Variants in ADAMTS19 observed in about 807,000 individuals in gnomAD.
The protein encoded by ADAMTS19 is A disintegrin and metalloproteinase with thrombospondin motifs 19.
In ADAMTS19, 93 loss-of-function variants were observed where a neutral mutation model predicts 153.3. The observed-to-expected ratio is 0.61, with a 90% CI of 0.51 to 0.72. The LOEUF (loss-of-function observed/expected upper bound fraction) is 0.72, where lower values mean the gene tolerates loss of function less well. Ranked by LOEUF, ADAMTS19 falls within the 30% of genes least tolerant of loss-of-function variation. The probability of loss-of-function intolerance (pLI) is 0.00; values close to 1 mark genes in which losing one functional copy is unlikely to be tolerated. For synonymous variants in ADAMTS19, 600 were observed against 556.6 expected, an observed-to-expected ratio of 1.08 and a Z score of -1.10; for missense variants, 1,482 against 1,552.1, an observed-to-expected ratio of 0.95 and a Z score of 0.76.
At chr5:129,515,631 T>C (rs1751577930) in intron 3 of ADAMTS19, among the ~76,000 whole-genome samples, 1 of 152,054 alleles carries the variant, frequency 6.6e-6, no homozygotes, top group South Asian at 2.1e-4. Flanking sequence ...GATTTTTGCA[T>C]GTTGATTTTG....
At chr5:129,556,724 A>G (rs565639960) in intron 7 of ADAMTS19, among the ~76,000 whole-genome samples, 2 of 152,284 alleles carry the variant, frequency 1.3e-5, no homozygotes, top group East Asian at 3.9e-4. Flanking sequence ...ACAGAGATAC[A>G]ATATGAAAAG....
At chr5:129,617,547 T>G (rs769769081) in intron 8 of ADAMTS19, among the ~76,000 whole-genome samples, 23 of 152,166 alleles carry the variant, frequency 1.5e-4, no homozygotes, top group East Asian at 3.9e-4. Context: ...GTGTATGGTT[T>G]GAAAGATTAT....
intron 7 of ADAMTS19, among the ~76,000 whole-genome samples, chr5:129,576,312 T>C (rs1029571167): frequency 2.0e-5 from 3 of 152,024 alleles, no homozygotes; most frequent in African/African-American, 7.2e-5. Flanking sequence ...ACCATATTAA[T>C]ATTTTATATA....
chr5:129,654,699 C>A (rs10071530), intron 14 of ADAMTS19, among the ~76,000 whole-genome samples: 13,136 of 152,018 alleles, frequency 0.086, 634 homozygotes, highest in African/African-American at 0.1. Context: ...ATATATATTA[C>A]AGGTTTAAAA....
chr5:129,618,124 A>G (rs904612853), intron 8 of ADAMTS19, among the ~76,000 whole-genome samples: 2 of 152,100 alleles, frequency 1.3e-5, no homozygotes, highest in Non-Finnish European at 2.9e-5. Context: ...AGATGCAGAG[A>G]TTAAATCACT....
chr5:129,598,664 A>G (rs1283807104), intron 8 of ADAMTS19, among the ~76,000 whole-genome samples: 10 of 152,198 alleles, frequency 6.6e-5, no homozygotes, highest in Non-Finnish European at 1.5e-4. Context: ...AAATTAACAT[A>G]AGCATTACCT....
intron 2 of ADAMTS19, among the ~76,000 whole-genome samples, chr5:129,467,049 TG>T (rs1357904487): frequency 2.0e-5 from 3 of 152,220 alleles, no homozygotes; most frequent in African/African-American, 7.2e-5. Context: ...AAACGTATTT[TG>T]CACTCAGATT....
intron 6 of ADAMTS19, among the ~76,000 whole-genome samples, chr5:129,545,650 G>A (rs1752828851): frequency 1.3e-5 from 2 of 151,772 alleles, no homozygotes; most frequent in African/African-American, 4.9e-5. Context: ...CATCATCACT[G>A]GCCATCAGAG....
chr5:129,643,251 AC>A (rs1342698379), intron 11 of ADAMTS19, among the ~76,000 whole-genome samples: 1 of 151,680 alleles, frequency 6.6e-6, no homozygotes, highest in Non-Finnish European at 1.5e-5. Context: ...AATCCCAGCT[AC>A]CCAGAAGGCT....
At chr5:129,631,067 T>G (rs1479821719) in intron 10 of ADAMTS19, among the ~76,000 whole-genome samples, 1 of 151,732 alleles carries the variant, frequency 6.6e-6, no homozygotes, top group Admixed American at 6.6e-5. Flanking sequence ...TTTAAAGAAT[T>G]GAAAAAACTA....
At chr5:129,665,745 G>A (rs1369106695) in intron 16 of ADAMTS19, among the ~76,000 whole-genome samples, 166 bp downstream of exon 16, 3 of 151,792 alleles carry the variant, frequency 2.0e-5, no homozygotes, top group African/African-American at 4.8e-5. Flanking sequence ...TCTCTCCCAA[G>A]GACTTCCCAG....
intron 2 of ADAMTS19, among the ~76,000 whole-genome samples, chr5:129,475,818 G>A (rs1388625475): frequency 6.6e-6 from 1 of 152,202 alleles, no homozygotes; most frequent in Admixed American, 6.5e-5. Flanking sequence ...GGGAGACAGA[G>A]GAGACTCCAT....
Position 129,648,343 on chromosome 5 carries a change from C to A in ADAMTS19, c.2003+448C>A, listed in dbSNP as rs1325057347. Among the ~76,000 whole-genome samples, 9 of 152,148 alleles carry A rather than the reference C, an allele frequency of 5.9e-5. No individual in the cohort carries two copies. In the East Asian group the frequency reaches 1.7e-3, roughly 29 times the overall value. On this transcript the variant is annotated intron_variant, in intron 12 of 22. Coordinates refer to ENST00000274487, the MANE Select transcript of ADAMTS19 (RefSeq NM_133638.6). The stretch of plus-strand genomic sequence containing the variant: ...ATCAGCTTGTTCAACCCCATTATTC[C>A]TAGAGGAATTCTAGCAAAGTATGAG...
At chr5:129,733,936 AGTGTGTGCGTGTGTGT>A (rs1208712029) in intron 21 of ADAMTS19, among the ~76,000 whole-genome samples, 93 of 143,456 alleles carry the variant, frequency 6.5e-4, no homozygotes, top group African/African-American at 9.9e-4. Flanking sequence ...GGATAAAGCA[AGTGTGTGCGTGTGTGT>A]GTGTGTGTGT....
chr5:129,558,877 A>G (rs570445341), intron 7 of ADAMTS19, among the ~76,000 whole-genome samples: 33 of 152,184 alleles, frequency 2.2e-4, no homozygotes, highest in South Asian at 1.0e-3. Flanking sequence ...ATTTGAGATT[A>G]ATTCATATGG....
chr5:129,598,505 C>G (rs1392749474), intron 8 of ADAMTS19, among the ~76,000 whole-genome samples: 1 of 152,092 alleles, frequency 6.6e-6, no homozygotes, highest in Non-Finnish European at 1.5e-5. Context: ...ACTGAATTAA[C>G]AAAATTAAAT....
intron 7 of ADAMTS19, among the ~76,000 whole-genome samples, chr5:129,554,860 C>T (rs1561568821): frequency 6.6e-6 from 1 of 152,080 alleles, no homozygotes; most frequent in Non-Finnish European, 1.5e-5. Context: ...GTAAACTGCT[C>T]TGTGACTTGT....
intron 6 of ADAMTS19, among the ~76,000 whole-genome samples, chr5:129,546,648 A>G (rs1209784733): frequency 6.6e-6 from 1 of 151,148 alleles, no homozygotes; most frequent in Non-Finnish European, 1.5e-5. Context: ...TCAGTTATGA[A>G]TACATGCAAA....
intron 2 of ADAMTS19, among the ~76,000 whole-genome samples, chr5:129,493,440 A>G (rs1750832927): frequency 6.6e-6 from 1 of 152,098 alleles, no homozygotes; most frequent in Non-Finnish European, 1.5e-5. Context: ...TGTTTTCTCA[A>G]TTCATTTTGC....
Sources: allele counts gnomAD v4.1 joint callset (sites outside exome capture counted in the v4.1 genomes callset), GRCh38; gene constraint gnomAD v4.1.1; transcripts MANE v1.5; gene names NCBI Gene and HGNC (gene_info 2026-07-23, HGNC 2026-07-21).